The following MSH6 variants were observed in gnomAD, a reference collection of about 807,000 sequenced individuals.
The protein encoded by MSH6 is mutS homolog 6.
Under a neutral mutation model 119.1 loss-of-function variants are expected in MSH6, and 85 were observed. The ratio of observed to expected loss-of-function variants is 0.71; its 90% confidence interval spans 0.60 to 0.85. The LOEUF (loss-of-function observed/expected upper bound fraction) is 0.85. Ranked by LOEUF, MSH6 falls within the 40% of genes least tolerant of loss-of-function variation. The pLI is 0.00. For missense variants in MSH6, 2,163 were observed against 1,655.3 expected (o/e 1.31, Z -5.32); for synonymous variants, 830 against 586.9 (o/e 1.41, Z -5.99).
In MSH6 at chr2:47,800,728, C is replaced by G. The variant is rs876658904; in HGVS notation, c.2745C>G (p.Ala915=). 1.2e-6 allele frequency: 2 copies of G among 1,614,112 alleles called. No homozygotes were observed. Among genetic ancestry groups the G allele is most frequent in the East Asian group, 2.2e-5 (1 of 44,878 alleles). ...TAGAATTGAACCGATGGGATACAGC[C>G]TTTGACCATGAAAAGGCTCGAAAGA... The part of the protein sequence containing the change: ...LTVELNRWDT[A]FDHEKARKTG... The change falls in exon 4 of 10, where the codon GCC becomes GCG. Residue 915 remains alanine, a synonymous_variant. Transcript: ENST00000234420.
At chr2:47,789,434 A>G (rs778828427) in intron 1 of MSH6, 2 of 472,110 alleles carry the variant, frequency 4.2e-6, no homozygotes, top group East Asian at 6.0e-5. Context: ...GAGGATGCAC[A>G]TTTATCCTGT....
intron 5 of MSH6, 147 bp downstream of exon 5, chr2:47,803,832 A>AAT: frequency 1.2e-6 from 1 of 846,256 alleles, no homozygotes; most frequent in South Asian, 1.6e-5. Flanking sequence ...CTGTGTTATA[A>AAT]AATTGAGAAT....
intron 3 of MSH6, among the ~76,000 whole-genome samples, chr2:47,797,207 G>T (rs562408647): frequency 5.9e-4 from 90 of 152,298 alleles, no homozygotes; most frequent in African/African-American, 1.9e-3. Flanking sequence ...GAAGCTGAAA[G>T]ATCATTATCC....
rs1553413707 is a variant in MSH6 at position 47,800,320 on chromosome 2, T to A, written c.2337T>A (p.Cys779Ter). Residue 779 changes from cysteine to a stop codon, truncating the protein, a stop_gained, in exon 4 of 10, where the codon TGT (cysteine) becomes TGA (stop). Coordinates refer to ENST00000234420, the MANE Select transcript of MSH6 (RefSeq NM_000179.3). LOFTEE classifies it high-confidence loss of function. Reference sequence around the variant, plus strand: ...AGCGGCTCCTAAAGCAATGGCTTTGTGCCCCACTCTGTAACCATTATGCTA... The same window carrying A: ...AGCGGCTCCTAAAGCAATGGCTTTGAGCCCCACTCTGTAACCATTATGCTA... Reference protein sequence around the residue: ...FGKRLLKQWLCAPLCNHYAIN... With the variant: ...FGKRLLKQWL The A allele has an allele frequency of 6.2e-7, 1 of 1,614,170 alleles. No homozygotes were observed. The highest frequency in any genetic ancestry group is 8.5e-7 in the Non-Finnish European group (1 of 1,180,030).
At chr2:47,790,790 G>C (rs2104093981) in intron 1 of MSH6, 137 bp from the exon 2 acceptor site, 4 of 784,518 alleles carry the variant, frequency 5.1e-6, no homozygotes, top group South Asian at 4.8e-5. Flanking sequence ...TTGAATATCT[G>C]ACTTTAAAAA....
downstream of MSH6, chr2:47,808,514 G>C: frequency 8.2e-7 from 1 of 1,213,008 alleles, no homozygotes; most frequent in Non-Finnish European, 1.1e-6. Context: ...TATGACCTTT[G>C]GCTTTAAGAG....
chr2:47,803,368 CT>C lies in MSH6; in HGVS notation c.3173-51del, dbSNP rs1669724977. 94 of 1,612,762 alleles carry C rather than the reference CT, an allele frequency of 5.8e-5. 1 individual carries two copies. The South Asian group carries it at 1.0e-3, about 17-fold the overall frequency. ...AAAGAAGACCTATAAAACACTTAGG[CT>C]GATAAAACCCCCAAACGATGAAGCC... is the stretch of plus-strand genomic sequence containing the variant. On this transcript the variant is annotated intron_variant, in intron 4 of 9. Coordinates refer to ENST00000234420, the MANE Select transcript of MSH6 (RefSeq NM_000179.3).
intron 1 of MSH6, chr2:47,784,320 A>C: frequency 1.1e-6 from 1 of 871,892 alleles, no homozygotes; most frequent in Non-Finnish European, 1.4e-6. Flanking sequence ...AAAATATTTT[A>C]TTTTATGAAA....
chr2:47,790,800 A>AT, intron 1 of MSH6, 127 bp from the exon 2 acceptor site: 1 of 850,630 alleles, frequency 1.2e-6, no homozygotes, highest in Non-Finnish European at 1.9e-6. Context: ...GACTTTAAAA[A>AT]TTATTCTAGA....
At chr2:47,807,953 AC>A, downstream of MSH6, 1 of 642,820 alleles carries the variant, frequency 1.6e-6, no homozygotes, top group South Asian at 2.1e-5. Flanking sequence ...ATATATTGCC[AC>A]TTTCTTTTTG....
chr2:47,791,188 C>T (rs1572709282), intron 2 of MSH6, 65 bp downstream of exon 2: 1 of 1,425,136 alleles, frequency 7.0e-7, no homozygotes, highest in Non-Finnish European at 9.9e-7. Context: ...GAGAAACAGA[C>T]AGACAGGCAG....
At chr2:47,794,776 G>A (rs977964827) in intron 2 of MSH6, among the ~76,000 whole-genome samples, 1 of 152,180 alleles carries the variant, frequency 6.6e-6, no homozygotes, top group Admixed American at 6.5e-5. Flanking sequence ...AACTGACAGT[G>A]TAGTCTTTGT....
chr2:47,807,338 T>C (rs1185661920), downstream of MSH6: 1 of 212,912 alleles, frequency 4.7e-6, no homozygotes, highest in Non-Finnish European at 9.5e-6. Flanking sequence ...AGAATACTTT[T>C]GTTTTACAGT....
chr2:47,809,734 A>C, downstream of MSH6: 1 of 1,459,396 alleles, frequency 6.9e-7, no homozygotes, highest in Non-Finnish European at 9.6e-7. Flanking sequence ...AAACAAGTAG[A>C]TACATCACTT....
chr2:47,809,098 C>T (rs940499388), downstream of MSH6: 3 of 1,096,372 alleles, frequency 2.7e-6, no homozygotes, highest in South Asian at 1.4e-5. Flanking sequence ...CTAGGCATTG[C>T]TAATTTAAAA....
chr2:47,808,535 A>G (rs1363286820), downstream of MSH6: 1 of 863,176 alleles, frequency 1.2e-6, no homozygotes, highest in South Asian at 2.1e-5. Flanking sequence ...GACCAAAACA[A>G]AATTCTTTGT....
At chr2:47,803,011 A>G (rs922023463) in intron 4 of MSH6, among the ~76,000 whole-genome samples, 67 of 152,228 alleles carry the variant, frequency 4.4e-4, no homozygotes, top group African/African-American at 1.5e-3. Context: ...TCCCAGGTTC[A>G]AGTGATTCTC....
intron 1 of MSH6, among the ~76,000 whole-genome samples, chr2:47,790,163 T>C (rs1421894246): frequency 6.6e-6 from 1 of 152,214 alleles, no homozygotes; most frequent in African/African-American, 2.4e-5. Flanking sequence ...GGCTCACGCC[T>C]GTAATCCCAG....
At chr2:47,801,992 G>C (rs1669629869) in intron 4 of MSH6, among the ~76,000 whole-genome samples, 1 of 152,140 alleles carries the variant, frequency 6.6e-6, no homozygotes, top group Non-Finnish European at 1.5e-5. Context: ...CTTTATTTTA[G>C]ATCGAATTTT....
Sources: allele counts gnomAD v4.1 joint callset (sites outside exome capture counted in the v4.1 genomes callset), GRCh38; gene constraint gnomAD v4.1.1; transcripts MANE v1.5; gene names NCBI Gene and HGNC (gene_info 2026-07-23, HGNC 2026-07-21).